Variants in CFB observed in about 807,000 individuals in gnomAD.
The protein encoded by CFB is complement factor B, also known as B-factor, properdin.
Under a neutral mutation model 97.2 loss-of-function variants are expected in CFB, and 59 were observed. The ratio of observed to expected loss-of-function variants is 0.61; its 90% CI spans 0.49 to 0.75. The LOEUF is 0.75. Ranked by LOEUF, CFB falls within the 30% of genes least tolerant of loss-of-function variation. CFB has a pLI of 0.00. For synonymous variants in CFB, 316 were observed against 351.7 expected (o/e 0.90, Z 1.14); for missense variants, 771 against 959.8 (o/e 0.80, Z 2.60).
At chr6:31,948,732 A>T in intron 7 of CFB, 98 bp from the exon 8 acceptor site, 2 of 1,599,670 alleles carry the variant, frequency 1.3e-6, no homozygotes, top group East Asian at 2.2e-5. Flanking sequence ...TTAACTTAAA[A>T]AGTTGAAAGA....
At chr6:31,950,828 A>T (rs927993982) in intron 13 of CFB, 40 bp from the exon 14 acceptor site, 17 of 1,612,858 alleles carry the variant, frequency 1.1e-5, no homozygotes, top group African/African-American at 1.3e-5. Flanking sequence ...GACTGGGGTG[A>T]GGAGCAGGCC....
At chr6:31,949,990 G>T in intron 10 of CFB, 60 bp from the exon 11 acceptor site, 1 of 1,538,568 alleles carries the variant, frequency 6.5e-7, no homozygotes, top group Non-Finnish European at 9.0e-7. Context: ...TACCCAAAAG[G>T]CTGCTGCCAT....
chr6:31,946,491 G>C lies in CFB; in HGVS notation c.183G>C (p.Val61=). 1 of 1,613,058 alleles carries C rather than the reference G, an allele frequency of 6.2e-7. No homozygotes were observed. The highest frequency in any genetic ancestry group is 8.5e-7 in the Non-Finnish European group (1 of 1,180,042). ...AAGAGGGCCAGGCACTGGAGTACGT[G>C]TGTCCTTCTGGCTTCTACCCGTACC... ...LLQEGQALEY[V]CPSGFYPYPV... Residue 61 remains valine, a synonymous_variant, in exon 2 of 18, where the codon GTG becomes GTC. Coordinates refer to ENST00000425368, the MANE Select transcript of CFB (RefSeq NM_001710.6). The surrounding 1 kb of genome is among the most constrained non-coding windows in gnomAD (Gnocchi z 6.4).
Position 31,950,763 on chromosome 6 carries a change from A to G in CFB, c.1769A>G (p.Gln590Arg), listed in dbSNP as rs1420679562. The G allele has an allele frequency of 6.2e-7, 1 of 1,612,998 alleles. No individual in the cohort carries two copies. Among genetic ancestry groups the G allele is most frequent in the Non-Finnish European group, 8.5e-7 (1 of 1,180,050 alleles). Residue 590 changes from glutamine (Q) to arginine (R), a missense_variant, in exon 13 of 18, where the codon CAG (glutamine) becomes CGG (arginine). Coordinates refer to ENST00000425368, the MANE Select transcript of CFB (RefSeq NM_001710.6). ...IKLKNKLKYGQTIRPICLPCT... is the reference protein window; with the variant it reads ...IKLKNKLKYGRTIRPICLPCT... The stretch of plus-strand genomic sequence containing the variant: ...CTCAAGAATAAGCTGAAATATGGCC[A>G]GACTATCAGGTGAGAGCGTCCAGAT...
In CFB at chr6:31,946,750, G is replaced by A; in HGVS notation, c.298+144G>A. On this transcript the variant is annotated intron_variant, in intron 2 of 17. Coordinates refer to ENST00000425368, the MANE Select transcript of CFB (RefSeq NM_001710.6). The surrounding 1 kb of genome is among the most constrained non-coding windows in gnomAD (Gnocchi z 6.4). ...AGTTTTAGGGTGGCAGGCGGAAAGG[G>A]GGCAAGAAAAAGCGGAGTTAACCCT... The A allele has an allele frequency of 1.1e-6, 1 of 875,080 alleles. No homozygotes were observed. Among genetic ancestry groups the A allele is most frequent in the Non-Finnish European group, 1.8e-6 (1 of 544,430 alleles). The allele number at this position is 875,080 out of a possible 1,614,324, so 54.2% of individuals were successfully genotyped here.
rs772132557 is a variant in CFB at position 31,951,699 on chromosome 6, A to T, written c.2139+95A>T. On this transcript the variant is annotated intron_variant, in intron 17 of 17. Coordinates refer to ENST00000425368, the MANE Select transcript of CFB (RefSeq NM_001710.6). The surrounding 1 kb of genome is among the most constrained non-coding windows in gnomAD (Gnocchi z 4.3). ...ATGCATGTGGCTAGTAATTCGAGGT[A>T]GGCAGAGCCTGCCTCACCTTAGGAC... 1 of 1,584,518 alleles carries T rather than the reference A, an allele frequency of 6.3e-7. No individual in the cohort carries two copies. The highest frequency in any genetic ancestry group is 8.7e-7 in the Non-Finnish European group (1 of 1,153,084).
chr6:31,951,891 G>A lies in CFB; in HGVS notation c.2156G>A (p.Trp719Ter). Residue 719 changes from tryptophan to a stop codon, truncating the protein, a stop_gained, in exon 18 of 18, where the codon TGG (tryptophan) becomes TAG (stop). Coordinates refer to ENST00000425368, the MANE Select transcript of CFB (RefSeq NM_001710.6). LOFTEE classifies it high-confidence loss of function. This position sits in a 1 kb window ranked among gnomAD's most constrained non-coding sequence, Gnocchi z 4.3. ...SRFIQVGVIS[W>*]GVVDVCKNQK... ...CCTCTGCAGGTTGGTGTAATCAGCTGGGGAGTAGTGGATGTCTGCAAAAAC... is the reference window on the plus strand; with the variant it reads ...CCTCTGCAGGTTGGTGTAATCAGCTAGGGAGTAGTGGATGTCTGCAAAAAC... 6.2e-7 allele frequency: 1 copy of A among 1,613,152 alleles called. No homozygotes were observed. The highest frequency in any genetic ancestry group is 1.1e-5 in the South Asian group (1 of 91,082).
Position 31,947,195 on chromosome 6 carries a change from G to A in CFB, c.484+3G>A. The A allele has an allele frequency of 6.2e-7, 1 of 1,612,332 alleles. No individual in the cohort carries two copies. The highest frequency in any genetic ancestry group is 8.5e-7 in the Non-Finnish European group (1 of 1,179,750). ...GACAGCGATCTGTGACAACGGAGGTGAGAAGCATCCCCTCCCCCTACATTG... is the reference window on the plus strand; with the variant it reads ...GACAGCGATCTGTGACAACGGAGGTAAGAAGCATCCCCTCCCCCTACATTG... On this transcript the variant is annotated splice_donor_region_variant and intron_variant, in intron 3 of 17. Coordinates refer to ENST00000425368, the MANE Select transcript of CFB (RefSeq NM_001710.6). This position sits in a 1 kb window ranked among gnomAD's most constrained non-coding sequence, Gnocchi z 5.3.
Position 31,951,520 on chromosome 6 carries a change from A to G in CFB, c.2090-35A>G, listed in dbSNP as rs768925544. 6.2e-7 allele frequency: 1 copy of G among 1,614,200 alleles called. No individual in the cohort carries two copies. Among genetic ancestry groups the G allele is most frequent in the Non-Finnish European group, 8.5e-7 (1 of 1,180,028 alleles). On this transcript the variant is annotated intron_variant, in intron 16 of 17. Transcript: ENST00000425368. This position sits in a 1 kb window ranked among gnomAD's most constrained non-coding sequence, Gnocchi z 4.3. ...GTGCTACAAGTGCCCAAGGCCCAAC[A>G]GTCCTTTTCTCTACAGCTTCTCCTC...
At chr6:31,948,607 C>A in intron 7 of CFB, 95 bp downstream of exon 7, 2 of 1,579,480 alleles carry the variant, frequency 1.3e-6, no homozygotes, top group Non-Finnish European at 8.7e-7. Context: ...ACAGGGAGGA[C>A]CACTTTGTAG....
At chr6:31,950,481 T>C in intron 12 of CFB, 78 bp downstream of exon 12, 2 of 1,559,576 alleles carry the variant, frequency 1.3e-6, no homozygotes, top group Non-Finnish European at 1.8e-6. Flanking sequence ...GATCCTACAC[T>C]CCACCCATCC....
Position 31,948,970 on chromosome 6 carries a change from G to A in CFB, c.1168+9G>A. ...CATCCTCATGACTGATGGTCAGAAG[G>A]GACCTCTCTCCTGTCCCAGCCTCCC... On this transcript the variant is annotated intron_variant, in intron 8 of 17. Transcript: ENST00000425368. 3 of 1,612,884 alleles carry A rather than the reference G, an allele frequency of 1.9e-6. No homozygotes were observed. The highest frequency in any genetic ancestry group is 2.5e-6 in the Non-Finnish European group (3 of 1,180,006).
intron 7 of CFB, 59 bp from the exon 8 acceptor site, chr6:31,948,771 T>C (rs1771584885): frequency 1.2e-6 from 2 of 1,612,546 alleles, no homozygotes. Flanking sequence ...GATTGGTCTC[T>C]GGGGTTAAAA....
chr6:31,949,038 C>A, intron 8 of CFB, 77 bp downstream of exon 8: 1 of 1,599,916 alleles, frequency 6.3e-7, no homozygotes, highest in Non-Finnish European at 8.5e-7. Flanking sequence ...CCACTTGTAA[C>A]ACTATACCCA....
chr6:31,949,855 C>CT, intron 10 of CFB, 195 bp from the exon 11 acceptor site: 1 of 715,942 alleles, frequency 1.4e-6, no homozygotes, highest in East Asian at 2.7e-5. Flanking sequence ...AGCCAGGCCT[C>CT]TGACAGCTTG....
Position 31,946,121 on chromosome 6 carries a change from T to A in CFB, c.-101T>A. ...GGAAGGGAATGTGACCAGGTCTAGG[T>A]CTGGAGTTTCAGCTTGGACACTGAG... is the stretch of plus-strand genomic sequence containing the variant. On this transcript the variant is annotated 5_prime_UTR_variant, in exon 1 of 18. Coordinates refer to ENST00000425368, the MANE Select transcript of CFB (RefSeq NM_001710.6). This position sits in a 1 kb window ranked among gnomAD's most constrained non-coding sequence, Gnocchi z 6.4. The A allele has an allele frequency of 8.5e-7, 1 of 1,182,764 alleles. No individual in the cohort carries two copies. The highest frequency in any genetic ancestry group is 2.3e-5 in the East Asian group (1 of 42,966). The allele number at this position is 1,182,764 out of a possible 1,614,324, so 73.3% of individuals were successfully genotyped here. A position where few individuals can be genotyped will look rare whatever the true frequency, so the allele number is the denominator to read the frequency against.
Position 31,951,196 on chromosome 6 carries a change from G to C in CFB, c.1908G>C (p.Glu636Asp). 1 of 1,613,080 alleles carries C rather than the reference G, an allele frequency of 6.2e-7. No homozygotes were observed. Among genetic ancestry groups the C allele is most frequent in the Non-Finnish European group, 8.5e-7 (1 of 1,180,030 alleles). Residue 636 changes from glutamate to aspartate, a missense_variant, in exon 15 of 18, where the codon GAG (glutamate) becomes GAC (aspartate). Physicochemically the swap from Glu to Asp is conservative, Grantham distance 45. Transcript: ENST00000425368. This position sits in a 1 kb window ranked among gnomAD's most constrained non-coding sequence, Gnocchi z 4.3. Reference protein sequence around the residue: ...QDIKALFVSEEEKKLTRKEVY... With the variant: ...QDIKALFVSEDEKKLTRKEVY... Reference sequence around the variant, plus strand: ...TCAAAGCTCTGTTTGTGTCTGAGGAGGAGAAAAAGCTGACTCGGAAGGAGG... The same window carrying C: ...TCAAAGCTCTGTTTGTGTCTGAGGACGAGAAAAAGCTGACTCGGAAGGAGG...
Position 31,947,778 on chromosome 6 carries a change from A to C in CFB, c.695A>C (p.Glu232Ala). 1 of 1,613,314 alleles carries C rather than the reference A, an allele frequency of 6.2e-7. No homozygotes were observed. The highest frequency in any genetic ancestry group is 8.5e-7 in the Non-Finnish European group (1 of 1,180,042). ...FMYDTPQEVA[E>A]AFLSSLTETI... ...TACGACACCCCTCAAGAGGTGGCCG[A>C]AGCTTTCCTGTCTTCCCTGACAGAG... The change falls in exon 5 of 18, where the codon GAA becomes GCA. Residue 232 changes from glutamate (E) to alanine (A), a missense_variant. Physicochemically the swap from Glu to Ala is moderately radical, Grantham distance 107. Coordinates refer to ENST00000425368, the MANE Select transcript of CFB (RefSeq NM_001710.6). This position sits in a 1 kb window ranked among gnomAD's most constrained non-coding sequence, Gnocchi z 5.3.
Position 31,946,707 on chromosome 6 carries a change from C to T in CFB, c.298+101C>T, listed in dbSNP as rs765187149. 1 of 1,169,804 alleles carries T rather than the reference C, an allele frequency of 8.5e-7. No individual in the cohort carries two copies. The highest frequency in any genetic ancestry group is 1.3e-5 in the South Asian group (1 of 77,564). The allele number at this position is 1,169,804 out of a possible 1,614,324, so 72.5% of individuals were successfully genotyped here. ...AGACTAGGCAGGGTGACAAGGTGGG[C>T]TGACCGGGAGTAGGAGCAGTTTTAG... On this transcript the variant is annotated intron_variant, in intron 2 of 17. Coordinates refer to ENST00000425368, the MANE Select transcript of CFB (RefSeq NM_001710.6). The surrounding 1 kb of genome is among the most constrained non-coding windows in gnomAD (Gnocchi z 6.4).
Sources: gnomAD v4.1 joint callset for allele counts on GRCh38, gnomAD v4.1.1 for gene constraint, Gnocchi (gnomAD v3.1) non-coding constraint, MANE v1.5 for transcripts, NCBI Gene and HGNC (gene_info 2026-07-23, HGNC 2026-07-21) for gene names.